TMEM117: variants seen among roughly 807,000 people sequenced by gnomAD.
TMEM117 encodes transmembrane protein 117.
A neutral mutation model predicts 52.4 loss-of-function variants in TMEM117; 27 were observed. The ratio of observed to expected loss-of-function variants is 0.51; its 90% CI spans 0.38 to 0.71. The LOEUF (loss-of-function observed/expected upper bound fraction) is 0.71, where lower values mean the gene tolerates loss of function less well. Ranked by LOEUF, TMEM117 falls within the 30% of genes least tolerant of loss-of-function variation. The pLI is 0.00. For synonymous variants in TMEM117, 215 were observed against 206.3 expected, an observed-to-expected ratio of 1.04 and a Z score of -0.36; for missense variants, 556 against 630.5, an observed-to-expected ratio of 0.88 and a Z score of 1.26.
chr12:44,356,215 A>G (rs1951646209), intron 6 of TMEM117, among the ~76,000 whole-genome samples: 1 of 152,128 alleles, frequency 6.6e-6, no homozygotes, highest in South Asian at 2.1e-4. Flanking sequence ...CTGATATGAT[A>G]AGAATGACAA....
intron 5 of TMEM117, among the ~76,000 whole-genome samples, chr12:44,212,825 A>G (rs946452587): frequency 2.0e-5 from 3 of 152,134 alleles, no homozygotes; most frequent in African/African-American, 7.2e-5. Flanking sequence ...AAAAGCTTCA[A>G]AAATCATAGT....
At chr12:43,977,404 C>A (rs1169585508) in intron 3 of TMEM117, among the ~76,000 whole-genome samples, 10 of 152,102 alleles carry the variant, frequency 6.6e-5, no homozygotes. Context: ...GTGCTGGAAT[C>A]CACAGAGGAC....
chr12:44,210,318 A>G (rs1949628800), intron 4 of TMEM117, among the ~76,000 whole-genome samples: 1 of 152,178 alleles, frequency 6.6e-6, no homozygotes, highest in African/African-American at 2.4e-5. Context: ...TTTATTCTCC[A>G]TCCTCATTGG....
At chr12:44,036,173 C>T (rs1337550440) in intron 3 of TMEM117, among the ~76,000 whole-genome samples, 1 of 152,076 alleles carries the variant, frequency 6.6e-6, no homozygotes, top group African/African-American at 2.4e-5. Flanking sequence ...ACTGAAGTTG[C>T]TATATACATT....
At chr12:43,994,640 T>C (rs1293136534) in intron 3 of TMEM117, among the ~76,000 whole-genome samples, 1 of 152,118 alleles carries the variant, frequency 6.6e-6, no homozygotes, top group Non-Finnish European at 1.5e-5. Flanking sequence ...TTCTTTTTTA[T>C]CTAGTAGTGT....
intron 6 of TMEM117, among the ~76,000 whole-genome samples, chr12:44,314,291 G>A (rs1951026858): frequency 6.6e-6 from 1 of 151,862 alleles, no homozygotes; most frequent in Non-Finnish European, 1.5e-5. Context: ...TATTTGTTGA[G>A]GTTTTATAAT....
chr12:44,317,300 GT>G (rs376272878), intron 6 of TMEM117, among the ~76,000 whole-genome samples: 158 of 125,532 alleles, frequency 1.3e-3, no homozygotes, highest in Non-Finnish European at 2.0e-3. Flanking sequence ...ATATATATAT[GT>G]TTTTTTTTTT....
intron 3 of TMEM117, among the ~76,000 whole-genome samples, chr12:44,093,053 G>A (rs1236571510): frequency 6.6e-6 from 1 of 152,048 alleles, no homozygotes; most frequent in African/African-American, 2.4e-5. Flanking sequence ...GTGGGAGGAA[G>A]GAGCAAGTGT....
At chr12:43,906,861 G>A (rs937578942) in intron 2 of TMEM117, among the ~76,000 whole-genome samples, 12 of 151,658 alleles carry the variant, frequency 7.9e-5, no homozygotes, top group African/African-American at 9.7e-5. Context: ...ACGGAGTCTC[G>A]CTGATTGCTA....
intron 6 of TMEM117, among the ~76,000 whole-genome samples, chr12:44,373,191 C>T (rs1592725755): frequency 6.6e-6 from 1 of 152,234 alleles, no homozygotes; most frequent in African/African-American, 2.4e-5. Context: ...GCAGCAGTGT[C>T]TCCCTCACAC....
chr12:43,892,879 G>A (rs970752674), intron 2 of TMEM117, among the ~76,000 whole-genome samples: 2 of 152,222 alleles, frequency 1.3e-5, no homozygotes, highest in Admixed American at 6.5e-5. Context: ...AAGGGATGGG[G>A]TAGGCACTAT....
intron 2 of TMEM117, among the ~76,000 whole-genome samples, chr12:43,854,153 G>T (rs1406057441): frequency 6.6e-6 from 1 of 152,172 alleles, no homozygotes; most frequent in Non-Finnish European, 1.5e-5. Flanking sequence ...TTTGAACAAT[G>T]TGTGAGATGA....
At chr12:43,899,795 C>T (rs900324124) in intron 2 of TMEM117, among the ~76,000 whole-genome samples, 2 of 152,092 alleles carry the variant, frequency 1.3e-5, no homozygotes, top group African/African-American at 4.8e-5. Context: ...ATCTTTAGTC[C>T]TAAGTAGTGT....
At chr12:44,249,622 T>C (rs1312549858) in intron 5 of TMEM117, among the ~76,000 whole-genome samples, 1 of 152,126 alleles carries the variant, frequency 6.6e-6, no homozygotes, top group Non-Finnish European at 1.5e-5. Flanking sequence ...TAAAACACCG[T>C]GGTACTGGTA....
At chr12:44,182,389 A>G (rs951408723) in intron 4 of TMEM117, among the ~76,000 whole-genome samples, 3 of 152,290 alleles carry the variant, frequency 2.0e-5, no homozygotes, top group Admixed American at 6.5e-5. Flanking sequence ...TTCCAACACT[A>G]TGTTGAATAG....
intron 5 of TMEM117, among the ~76,000 whole-genome samples, chr12:44,215,853 A>G (rs1677440718): frequency 1.3e-5 from 2 of 152,152 alleles, no homozygotes; most frequent in South Asian, 4.2e-4. Flanking sequence ...CCAGACACGT[A>G]AGAGGATTTC....
the TMEM117 span, among the ~76,000 whole-genome samples, chr12:44,395,053 T>G: frequency 6.6e-5 from 10 of 152,320 alleles, no homozygotes; most frequent in African/African-American, 2.4e-4. Context: ...TATCTGCATT[T>G]AAAAACAGTT....
chr12:44,225,432 T>G (rs1201948815), intron 5 of TMEM117, among the ~76,000 whole-genome samples: 1 of 152,180 alleles, frequency 6.6e-6, no homozygotes, highest in Non-Finnish European at 1.5e-5. Context: ...AAGAACAGCA[T>G]GTTGCCAAGG....
chr12:44,336,082 C>T (rs573327901), intron 6 of TMEM117, among the ~76,000 whole-genome samples: 12 of 152,014 alleles, frequency 7.9e-5, no homozygotes, highest in Admixed American at 4.6e-4. Flanking sequence ...TCATACTTTG[C>T]GCCACATAAA....
Sources: allele counts gnomAD v4.1 joint callset (sites outside exome capture counted in the v4.1 genomes callset), GRCh38; gene constraint gnomAD v4.1.1; transcripts MANE v1.5; gene names NCBI Gene and HGNC (gene_info 2026-07-23, HGNC 2026-07-21).